ADAP1: variants seen among roughly 807,000 people sequenced by gnomAD.
ADAP1 encodes arf-GAP with dual PH domain-containing protein 1.
ADAP1 carries 31 observed loss-of-function variants against 54.9 expected under a neutral mutation model. That is an observed-to-expected ratio of 0.56 (90% CI 0.42 to 0.76). ADAP1 has a LOEUF of 0.76. ADAP1 is among the 30% of genes least tolerant of loss of function. ADAP1 has a pLI of 0.00. For missense variants in ADAP1, 535 were observed against 512.4 expected, an observed-to-expected ratio of 1.04 and a Z score of -0.42; for synonymous variants, 313 against 202.6, an observed-to-expected ratio of 1.55 and a Z score of -4.63.
In ADAP1 at chr7:926,892, G is replaced by A; in HGVS notation, c.214-248C>T. On this transcript the variant is annotated intron_variant, in intron 2 of 10. Coordinates refer to ENST00000265846, the MANE Select transcript of ADAP1 (RefSeq NM_006869.4). This position sits in a 1 kb window ranked among gnomAD's most constrained non-coding sequence, Gnocchi z 4.6. Reference sequence around the variant, plus strand: ...GGGGTCCCGGCAAAGGGGGCCCAGGGGCCAGGCCCCTTTTGAGGATGGGTC... The same window carrying A: ...GGGGTCCCGGCAAAGGGGGCCCAGGAGCCAGGCCCCTTTTGAGGATGGGTC... 9.7e-7 allele frequency: 1 copy of A among 1,033,562 alleles called. No individual in the cohort carries two copies. Among genetic ancestry groups the A allele is most frequent in the Non-Finnish European group, 1.3e-6 (1 of 757,846 alleles). The allele number at this position is 1,033,562 out of a possible 1,614,324, so 64.0% of individuals were successfully genotyped here. A position where few individuals can be genotyped will look rare whatever the true frequency, so the allele number is the denominator to read the frequency against.
chr7:926,615 C>G lies in ADAP1; in HGVS notation c.243G>C (p.Ala81=). 1.9e-6 allele frequency: 3 copies of G among 1,545,160 alleles called. No homozygotes were observed. The highest frequency in any genetic ancestry group is 2.6e-6 in the Non-Finnish European group (3 of 1,145,092). The change falls in exon 3 of 11, where the codon GCG becomes GCC. Residue 81 remains alanine (A), a synonymous_variant. Coordinates refer to ENST00000265846, the MANE Select transcript of ADAP1 (RefSeq NM_006869.4). This position sits in a 1 kb window ranked among gnomAD's most constrained non-coding sequence, Gnocchi z 4.6. ...EFMASHGNDA[A]RARFESKVPS... is the part of the protein sequence containing the mutation. ...GTACTTTGGACTCAAACCTGGCTCTCGCGGCGTCGTTCCCGTGGGAGGCCA... is the reference window on the plus strand; with the variant it reads ...GTACTTTGGACTCAAACCTGGCTCTGGCGGCGTCGTTCCCGTGGGAGGCCA...
At chr7:931,529 TAC>T (rs1471536257) in intron 2 of ADAP1, among the ~76,000 whole-genome samples, 10 of 151,980 alleles carry the variant, frequency 6.6e-5, no homozygotes, top group African/African-American at 2.2e-4. Flanking sequence ...CCCACAAATC[TAC>T]ACAGAGAGAA....
At chr7:921,879 C>A (rs536607514) in intron 3 of ADAP1, among the ~76,000 whole-genome samples, 2 of 152,194 alleles carry the variant, frequency 1.3e-5, no homozygotes, top group African/African-American at 4.8e-5. Context: ...CGCCTGCCAA[C>A]GGCCCTCAGG....
Position 935,787 on chromosome 7 carries a change from G to T in ADAP1, c.83-282C>A, listed in dbSNP as rs547811298. Among the ~76,000 whole-genome samples, 61 of 152,240 alleles carry T rather than the reference G, an allele frequency of 4.0e-4. 1 individual carries two copies. Among genetic ancestry groups the T allele is most frequent in the East Asian group, 1.6e-3 (8 of 5,148 alleles). ...CCGCGGGTGCCGGGAACCTCCAGCA[G>T]AGGCCGGCCCCACAGGAGCCCATGC... is the stretch of plus-strand genomic sequence containing the variant. On this transcript the variant is annotated intron_variant, in intron 1 of 10. Transcript: ENST00000265846.
chr7:921,476 C>T (rs529136097), intron 3 of ADAP1, among the ~76,000 whole-genome samples: 140 of 152,350 alleles, frequency 9.2e-4, no homozygotes, highest in South Asian at 6.0e-3. Flanking sequence ...TGCACCACCA[C>T]GACTTGGTAA....
intron 4 of ADAP1, among the ~76,000 whole-genome samples, chr7:906,743 ACAT>A: frequency 8.3e-5 from 2 of 24,100 alleles, no homozygotes; most frequent in African/African-American, 2.0e-4. Flanking sequence ...GGGACAGAGT[ACAT>A]AGGGGACATG....
chr7:910,455 T>A (rs1845677983), intron 4 of ADAP1, among the ~76,000 whole-genome samples: 1 of 152,156 alleles, frequency 6.6e-6, no homozygotes, highest in Non-Finnish European at 1.5e-5. Flanking sequence ...CTCACTGCGT[T>A]GCCCAGGCTG....
rs191140366 is a variant in ADAP1, at chr7:904,195, G to A, written c.579C>T (p.His193=). 2.5e-4 allele frequency: 402 copies of A among 1,611,984 alleles called. 3 individuals carry two copies. The East Asian group carries it at 3.5e-3, about 14-fold the overall frequency. ...TFQPAKIGHP[H]GLQVTYLKDN... ...CCTTCAGGTAGGTGACCTGCAGGCCGTGGGGGTGGCCGATCTTGGCCGGCT... is the reference window on the plus strand; with the variant it reads ...CCTTCAGGTAGGTGACCTGCAGGCCATGGGGGTGGCCGATCTTGGCCGGCT... Residue 193 remains histidine, a synonymous_variant, in exon 6 of 11, where the codon CAC becomes CAT. Transcript: ENST00000265846.
chr7:915,898 TGC>T (rs1845914565), intron 4 of ADAP1, among the ~76,000 whole-genome samples: 1 of 146,278 alleles, frequency 6.8e-6, no homozygotes, highest in Non-Finnish European at 1.5e-5. Context: ...GCCACCCGCC[TGC>T]AGAACCCAGA....
At chr7:925,254 G>T (rs759464578) in intron 3 of ADAP1, among the ~76,000 whole-genome samples, 1 of 151,696 alleles carries the variant, frequency 6.6e-6, no homozygotes, top group African/African-American at 2.4e-5. Flanking sequence ...GGGAGGGCCG[G>T]TTCATGCTGC....
chr7:925,541 C>G (rs1385189461), intron 3 of ADAP1, among the ~76,000 whole-genome samples: 1 of 152,078 alleles, frequency 6.6e-6, no homozygotes, highest in Non-Finnish European at 1.5e-5. Context: ...TCCCACTGCC[C>G]CTTCATGGAG....
At chr7:901,085 G>C (rs1844786883) in intron 6 of ADAP1, 2 of 468,380 alleles carry the variant, frequency 4.3e-6, no homozygotes. Context: ...CCTTGGAGCT[G>C]TGGCCCCTAC....
intron 3 of ADAP1, among the ~76,000 whole-genome samples, chr7:921,935 GCCC>G (rs767453142): frequency 6.6e-5 from 10 of 152,160 alleles, no homozygotes; most frequent in Non-Finnish European, 1.2e-4. Context: ...TGCAGAATGG[GCCC>G]CCAAGGCTCA....
In ADAP1 at chr7:920,009, T is replaced by C. The variant is rs760878449; in HGVS notation, c.347A>G (p.Gln116Arg). The C allele has an allele frequency of 1.9e-6, 3 of 1,607,504 alleles. No individual in the cohort carries two copies. The African/African-American group carries it at 4.0e-5, about 22-fold the overall frequency. ...CTGCTTCTCCGGGTAGATGAACTCC[T>C]GTCGCTCGTACTTGGCCCGGATCCA... is the stretch of plus-strand genomic sequence containing the variant. ...EQWIRAKYER[Q>R]EFIYPEKQEP... Residue 116 changes from glutamine (Q) to arginine (R), a missense_variant, in exon 4 of 11, where the codon CAG becomes CGG. Gln to Arg is a conservative substitution (Grantham distance 43, BLOSUM62 1). Transcript: ENST00000265846. This position sits in a 1 kb window ranked among gnomAD's most constrained non-coding sequence, Gnocchi z 4.5.
rs34720533 is a variant in ADAP1 at position 950,856 on chromosome 7, C to CAAAA, written c.82+3536_82+3539dup. On this transcript the variant is annotated intron_variant, in intron 1 of 10. Coordinates refer to ENST00000265846, the MANE Select transcript of ADAP1 (RefSeq NM_006869.4). ...TTGGGAACAGAGCAAGACTCCGTCT[C>CAAAA]AAAAAAAAAAAAAAAAAAAAAACAA... is the stretch of plus-strand genomic sequence containing the variant. 2.7e-3 allele frequency among the ~76,000 whole-genome samples: 233 copies of CAAAA among 84,950 alleles called. 2 individuals are homozygous for CAAAA. Among genetic ancestry groups the CAAAA allele is most frequent in the African/African-American group, 8.5e-3 (179 of 21,020 alleles). 55.7% of individuals were successfully genotyped at this position (84,950 alleles called of 152,430 possible). A position where few individuals can be genotyped will look rare whatever the true frequency, so the allele number is the denominator to read the frequency against.
At chr7:930,141 AAGGCCTAT>A (rs1356134029) in intron 2 of ADAP1, among the ~76,000 whole-genome samples, 6 of 149,728 alleles carry the variant, frequency 4.0e-5, no homozygotes, top group African/African-American at 1.5e-4. Flanking sequence ...TCAGGCAGAG[AAGGCCTAT>A]TTATGTATGC....
In ADAP1 at chr7:905,254, G is replaced by A. The variant is rs1356289070; in HGVS notation, c.389-82C>T. ...GGAGTGACGATGGACAGGACAGAGG[G>A]GACATGGGGAGAAGACACGGGGGAC... On this transcript the variant is annotated intron_variant, in intron 4 of 10. Transcript: ENST00000265846. 16 of 976,312 alleles carry A rather than the reference G, an allele frequency of 1.6e-5. No individual in the cohort carries two copies. The African/African-American group carries it at 2.3e-4, about 14-fold the overall frequency. 60.5% of individuals were successfully genotyped at this position (976,312 alleles called of 1,614,324 possible).
Position 938,121 on chromosome 7 carries a change from T to G in ADAP1, c.83-2616A>C, listed in dbSNP as rs1265773996. ...GTAGGGCGGCTTTTGGGAGAAAGAA[T>G]GCGGTTACAGGATCAGCCGTTGTTT... On this transcript the variant is annotated intron_variant, in intron 1 of 10. Coordinates refer to ENST00000265846, the MANE Select transcript of ADAP1 (RefSeq NM_006869.4). The surrounding 1 kb of genome is among the most constrained non-coding windows in gnomAD (Gnocchi z 4.4). Among the ~76,000 whole-genome samples, 2 of 152,168 alleles carry G rather than the reference T, an allele frequency of 1.3e-5. No homozygotes were observed. Among genetic ancestry groups the G allele is most frequent in the Non-Finnish European group, 2.9e-5 (2 of 68,034 alleles).
chr7:934,546 A>G (rs1490329710), intron 2 of ADAP1, among the ~76,000 whole-genome samples: 1 of 152,046 alleles, frequency 6.6e-6, no homozygotes, highest in East Asian at 1.9e-4. Context: ...AGGAAGATCA[A>G]TGGCTTCCAG....
Sources: gnomAD v4.1 joint callset for allele counts (sites outside exome capture counted in the v4.1 genomes callset) on GRCh38, gnomAD v4.1.1 for gene constraint, Gnocchi (gnomAD v3.1) non-coding constraint, MANE v1.5 for transcripts, NCBI Gene and HGNC (gene_info 2026-07-23, HGNC 2026-07-21) for gene names.